Variants in EPB41L2 observed in about 807,000 individuals in gnomAD.
EPB41L2 encodes the protein band 4.1-like protein 2.
In EPB41L2, 43 loss-of-function variants were observed where a neutral mutation model predicts 113.0. The ratio of observed to expected loss-of-function variants is 0.38; its 90% confidence interval spans 0.30 to 0.49. The LOEUF (loss-of-function observed/expected upper bound fraction) is 0.49. Among genes scored for constraint, EPB41L2 ranks in the 20% least tolerant of loss-of-function variants. EPB41L2 has a pLI of 0.95. For missense variants in EPB41L2, 1,147 were observed against 1,223.4 expected, an observed-to-expected ratio of 0.94 and a Z score of 0.93; for synonymous variants, 442 against 436.7, an observed-to-expected ratio of 1.01 and a Z score of -0.15.
At chr6:130,912,411 G>C (rs946514122) in intron 4 of EPB41L2, among the ~76,000 whole-genome samples, 5 of 152,244 alleles carry the variant, frequency 3.3e-5, no homozygotes, top group Non-Finnish European at 7.3e-5. Flanking sequence ...TGTGAAAGCA[G>C]AGCCGCATGG....
intron 19 of EPB41L2, among the ~76,000 whole-genome samples, chr6:130,843,745 C>T (rs1207086945): frequency 6.6e-6 from 1 of 152,118 alleles, no homozygotes; most frequent in East Asian, 1.9e-4. Context: ...AGTCTATGTC[C>T]CCCTCTTTTG....
intron 18 of EPB41L2, among the ~76,000 whole-genome samples, chr6:130,861,874 C>CCAAAAAA (rs1554238944): frequency 7.5e-5 from 9 of 120,672 alleles, no homozygotes; most frequent in East Asian, 2.3e-4. Flanking sequence ...TCCATCTCCC[C>CCAAAAAA]AAAAAAAAAA....
intron 3 of EPB41L2, among the ~76,000 whole-genome samples, chr6:130,944,172 T>TACACACACACACACACAC (rs869217556): frequency 1.6e-5 from 2 of 125,642 alleles, no homozygotes; most frequent in Admixed American, 8.2e-5. Flanking sequence ...TACACACACA[T>TACACACACACACACACAC]ACACACACAC....
At chr6:130,884,519 GTAA>G (rs1790312281) in intron 12 of EPB41L2, among the ~76,000 whole-genome samples, 3 of 152,154 alleles carry the variant, frequency 2.0e-5, no homozygotes, top group African/African-American at 7.2e-5. Context: ...ACTGCCCAAG[GTAA>G]CAAAAGATAA....
intron 7 of EPB41L2, among the ~76,000 whole-genome samples, chr6:130,900,461 A>C (rs1015567059): frequency 2.0e-5 from 3 of 152,212 alleles, no homozygotes; most frequent in Admixed American, 1.3e-4. Flanking sequence ...AATGTTAAGT[A>C]ATCTTAGCTA....
At chr6:131,048,656 T>G (rs187696171) in intron 1 of EPB41L2, among the ~76,000 whole-genome samples, 1 of 152,106 alleles carries the variant, frequency 6.6e-6, no homozygotes, top group Non-Finnish European at 1.5e-5. Flanking sequence ...GAAATACAGA[T>G]GAAACAAGAC....
intron 19 of EPB41L2, among the ~76,000 whole-genome samples, chr6:130,850,130 C>T (rs1484813741): frequency 1.3e-5 from 2 of 151,966 alleles, no homozygotes; most frequent in African/African-American, 4.8e-5. Context: ...TCCAGCTACT[C>T]GGGAGGCTGA....
chr6:130,950,650 T>C (rs1814613150), intron 3 of EPB41L2, among the ~76,000 whole-genome samples: 1 of 152,150 alleles, frequency 6.6e-6, no homozygotes, highest in Non-Finnish European at 1.5e-5. Context: ...AAGGCTTTTC[T>C]AGGTAATGGT....
intron 1 of EPB41L2, among the ~76,000 whole-genome samples, chr6:131,047,148 C>T (rs7745206): frequency 0.19 from 28,420 of 151,908 alleles, 2,836 homozygotes; most frequent in East Asian, 0.37. Context: ...AGAGTTACTA[C>T]AAGAATTAAA....
chr6:131,050,295 C>T (rs770518894), intron 1 of EPB41L2, among the ~76,000 whole-genome samples: 6 of 152,018 alleles, frequency 3.9e-5, no homozygotes, highest in African/African-American at 1.2e-4. Context: ...GCCAAGATTG[C>T]GCCATTGCAC....
At chr6:130,937,553 G>A (rs1809235641) in intron 3 of EPB41L2, among the ~76,000 whole-genome samples, 1 of 152,182 alleles carries the variant, frequency 6.6e-6, no homozygotes, top group Non-Finnish European at 1.5e-5. Flanking sequence ...GGGCGCGGTG[G>A]CTCATGCCTG....
intron 1 of EPB41L2, among the ~76,000 whole-genome samples, chr6:131,016,588 C>A (rs1232960544): frequency 1.3e-5 from 2 of 149,208 alleles, no homozygotes; most frequent in African/African-American, 4.9e-5. Flanking sequence ...CTTAACAAAC[C>A]AACATAATAA....
chr6:131,004,360 G>A (rs1395522826), intron 1 of EPB41L2, among the ~76,000 whole-genome samples: 1 of 152,142 alleles, frequency 6.6e-6, no homozygotes. Context: ...CTAAAACAAA[G>A]CAGGTAGAAT....
chr6:130,968,135 G>C (rs1463850724), intron 1 of EPB41L2, among the ~76,000 whole-genome samples: 1 of 150,212 alleles, frequency 6.7e-6, no homozygotes, highest in Non-Finnish European at 1.5e-5. Flanking sequence ...CTATTTCTGT[G>C]TGAATCAAAC....
intron 1 of EPB41L2, among the ~76,000 whole-genome samples, chr6:130,978,276 A>G (rs1778613084): frequency 6.6e-6 from 1 of 152,262 alleles, no homozygotes; most frequent in East Asian, 1.9e-4. Context: ...AGCAATGCCC[A>G]GCTACAAACC....
intron 3 of EPB41L2, among the ~76,000 whole-genome samples, chr6:130,946,933 C>T (rs1357819040): frequency 6.6e-6 from 1 of 151,890 alleles, no homozygotes; most frequent in East Asian, 1.9e-4. Context: ...GCCTAACATA[C>T]CCAATGTTCT....
At position 131,016,477 on chromosome 6, in the gene EPB41L2, AACACACACACACAC is replaced by A. The variant is rs10584309; in HGVS notation, c.-15+46664_-15+46677del. 1.8e-3 allele frequency among the ~76,000 whole-genome samples: 262 copies of A among 143,498 alleles called. 2 individuals are homozygous for A. Among genetic ancestry groups the A allele is most frequent in the African/African-American group, 5.6e-3 (219 of 39,014 alleles). The allele number at this position is 143,498 out of a possible 152,430, so 94.1% of individuals were successfully genotyped here. A position where few individuals can be genotyped will look rare whatever the true frequency, so the allele number is the denominator to read the frequency against. ...ATATTTATTAAGCATTTAATAAGGA[AACACACACACACAC>A]ACACACACACACACACACACACACA... On this transcript the variant is annotated intron_variant, in intron 1 of 19. Transcript: ENST00000337057.
chr6:130,851,612 C>T (rs377244862), intron 19 of EPB41L2, among the ~76,000 whole-genome samples: 18 of 152,170 alleles, frequency 1.2e-4, no homozygotes, highest in African/African-American at 3.9e-4. Flanking sequence ...GGTCCTGTCA[C>T]TGGGTTTTCA....
At chr6:130,847,804 A>G (rs950650131) in intron 19 of EPB41L2, among the ~76,000 whole-genome samples, 1 of 152,202 alleles carries the variant, frequency 6.6e-6, no homozygotes, top group Non-Finnish European at 1.5e-5. Flanking sequence ...TCACTCTGCT[A>G]GGTCAAATCT....
Sources: allele counts gnomAD v4.1 joint callset (sites outside exome capture counted in the v4.1 genomes callset), GRCh38; gene constraint gnomAD v4.1.1; transcripts MANE v1.5; gene names NCBI Gene and HGNC (gene_info 2026-07-23, HGNC 2026-07-21).